The following RBFOX2 variants were observed in gnomAD, a reference collection of about 807,000 sequenced individuals.
The protein encoded by RBFOX2 is RNA binding protein fox-1 homolog 2.
A neutral mutation model predicts 49.1 loss-of-function variants in RBFOX2; 10 were observed. The observed-to-expected ratio is 0.20, with a 90% CI of 0.13 to 0.35. The LOEUF (loss-of-function observed/expected upper bound fraction) is 0.35. Ranked by LOEUF, RBFOX2 falls within the 10% of genes least tolerant of loss-of-function variation. The pLI, the probability that RBFOX2 is intolerant of heterozygous loss-of-function variation, is 1.00. For missense variants in RBFOX2, 323 were observed against 486.9 expected (o/e 0.66, Z 3.17); for synonymous variants, 183 against 187.4 (o/e 0.98, Z 0.19).
At chr22:35,775,235 C>T (rs1943590176) in intron 4 of RBFOX2, among the ~76,000 whole-genome samples, 1 of 152,148 alleles carries the variant, frequency 6.6e-6, no homozygotes, top group African/African-American at 2.4e-5. Context: ...AGAACAGTTC[C>T]AAGGGCACCC....
chr22:35,833,228 A>C (rs1957105261), intron 1 of RBFOX2, among the ~76,000 whole-genome samples: 1 of 152,220 alleles, frequency 6.6e-6, no homozygotes, highest in African/African-American at 2.4e-5. Flanking sequence ...GAGTAATTCA[A>C]GGAAGTAGGA....
chr22:35,849,203 G>A (rs979745840), intron 1 of RBFOX2, among the ~76,000 whole-genome samples: 2 of 151,766 alleles, frequency 1.3e-5, no homozygotes, highest in African/African-American at 4.8e-5. Flanking sequence ...TCAAAACAAA[G>A]CCTAAAGTTT....
Position 35,970,561 on chromosome 22 carries a change from T to C in RBFOX2, c.187-31664A>G, listed in dbSNP as rs947543593. Reference sequence around the variant, plus strand: ...CTGTAGTCCCAGCTACTTTGGAGACTGAGGTAGGAGGATTGCTTGAGCCCA... The same window carrying C: ...CTGTAGTCCCAGCTACTTTGGAGACCGAGGTAGGAGGATTGCTTGAGCCCA... On this transcript the variant is annotated intron_variant, in intron 1 of 13. Transcript: ENST00000438146. Among the ~76,000 whole-genome samples, 6 of 151,780 alleles carry C rather than the reference T, an allele frequency of 4.0e-5. No homozygotes were observed. In the East Asian group the frequency reaches 1.2e-3, roughly 29 times the overall value.
At chr22:35,994,316 T>C (rs895093123) in intron 1 of RBFOX2, 1 of 152,072 alleles carries the variant, frequency 6.6e-6, no homozygotes, top group Admixed American at 6.5e-5. Context: ...TCTTACATTC[T>C]TTTTTGTACT....
At chr22:35,772,450 A>G (rs1942936528) in intron 4 of RBFOX2, among the ~76,000 whole-genome samples, 1 of 152,174 alleles carries the variant, frequency 6.6e-6, no homozygotes, top group Admixed American at 6.6e-5. Flanking sequence ...GAGATGCTTA[A>G]CATTCTTTTT....
At chr22:36,006,181 T>A (rs2058611776) in intron 1 of RBFOX2, among the ~76,000 whole-genome samples, 1 of 152,244 alleles carries the variant, frequency 6.6e-6, no homozygotes, top group African/African-American at 2.4e-5. Flanking sequence ...GATAAAAATT[T>A]TTGAAAGCCT....
At chr22:35,806,485 C>T (rs1432459981) in intron 2 of RBFOX2, among the ~76,000 whole-genome samples, 1 of 152,108 alleles carries the variant, frequency 6.6e-6, no homozygotes, top group Non-Finnish European at 1.5e-5. Flanking sequence ...TGCACACACA[C>T]AACCATTAGT....
intron 9 of RBFOX2, chr22:35,752,730 A>G: frequency 1.2e-5 from 9 of 769,622 alleles, no homozygotes; most frequent in Non-Finnish European, 1.4e-5. Flanking sequence ...AAAGCCCACT[A>G]AGGGGCCCAC....
intron 1 of RBFOX2, among the ~76,000 whole-genome samples, chr22:36,017,921 C>T (rs2059105560): frequency 6.6e-6 from 1 of 152,154 alleles, no homozygotes; most frequent in Non-Finnish European, 1.5e-5. Context: ...TTTCAGAGAC[C>T]CCTCTCTCAC....
chr22:35,788,887 C>A (rs1000703114), intron 2 of RBFOX2, among the ~76,000 whole-genome samples: 8 of 152,136 alleles, frequency 5.3e-5, no homozygotes, highest in African/African-American at 1.9e-4. Flanking sequence ...ATGATTCTCA[C>A]GCTACACATT....
At chr22:35,997,177 GC>G (rs930943067) in intron 1 of RBFOX2, 2 of 152,108 alleles carry the variant, frequency 1.3e-5, no homozygotes, top group African/African-American at 4.8e-5. Flanking sequence ...AAATCCCTGG[GC>G]TTACAGCTCA....
chr22:35,752,591 C>T, intron 9 of RBFOX2: 1 of 970,536 alleles, frequency 1.0e-6, no homozygotes, highest in South Asian at 4.8e-5. Context: ...GATTGATTGG[C>T]AGGTCACACT....
exon 12 of RBFOX2, chr22:35,738,743 T>C (rs1364232772): frequency 6.6e-6 from 1 of 152,114 alleles, no homozygotes; most frequent in South Asian, 2.1e-4. Flanking sequence ...GAATGGTGTT[T>C]CTCTCTTTTA....
exon 7 of RBFOX2, chr22:35,761,438 A>G (rs781143266): frequency 6.2e-7 from 1 of 1,614,210 alleles, no homozygotes; most frequent in Non-Finnish European, 8.5e-7. Context: ...CGGACCATAT[A>G]CAGCTCCAAC....
intron 1 of RBFOX2, among the ~76,000 whole-genome samples, chr22:35,896,829 G>C (rs993115107): frequency 5.9e-5 from 9 of 152,116 alleles, no homozygotes; most frequent in Admixed American, 5.9e-4. Flanking sequence ...TAGTACAAAA[G>C]AGGAGAAAGA....
chr22:35,770,460 A>G (rs1383514202), intron 4 of RBFOX2, among the ~76,000 whole-genome samples: 1 of 152,150 alleles, frequency 6.6e-6, no homozygotes, highest in Non-Finnish European at 1.5e-5. Context: ...TTCTTCTTAA[A>G]TATAACCATG....
intron 1 of RBFOX2, among the ~76,000 whole-genome samples, chr22:36,003,588 G>GT (rs1244986959): frequency 6.6e-6 from 1 of 152,166 alleles, no homozygotes; most frequent in African/African-American, 2.4e-5. Flanking sequence ...ATACGTTTGA[G>GT]TTTTTGGCTT....
intron 9 of RBFOX2, among the ~76,000 whole-genome samples, chr22:35,751,442 T>G (rs1039575154): frequency 6.6e-6 from 1 of 152,144 alleles, no homozygotes; most frequent in Non-Finnish European, 1.5e-5. Context: ...GAATGGCAGG[T>G]GTGATGCTGA....
intron 1 of RBFOX2, among the ~76,000 whole-genome samples, chr22:35,970,099 T>C (rs569306647): frequency 6.6e-6 from 1 of 152,314 alleles, no homozygotes; most frequent in East Asian, 1.9e-4. Context: ...GTGAGAAAGA[T>C]CCTACTGGTG....
Sources: gnomAD v4.1 joint callset for allele counts (sites outside exome capture counted in the v4.1 genomes callset) on GRCh38, gnomAD v4.1.1 for gene constraint, MANE v1.5 for transcripts, NCBI Gene and HGNC (gene_info 2026-07-23, HGNC 2026-07-21) for gene names.